Variants in CPS1 observed in about 807,000 individuals in gnomAD.
CPS1 encodes carbamoyl-phosphate synthase 1.
In CPS1, 109 loss-of-function variants were observed where a neutral mutation model predicts 174.6. The observed-to-expected ratio is 0.62, with a 90% CI of 0.53 to 0.73. The LOEUF (loss-of-function observed/expected upper bound fraction) is 0.73, where lower values mean the gene tolerates loss of function less well. Ranked by LOEUF, CPS1 falls within the 30% of genes least tolerant of loss-of-function variation. The probability of loss-of-function intolerance (pLI) is 0.00; values close to 1 mark genes in which losing one functional copy is unlikely to be tolerated. For synonymous variants in CPS1, 637 were observed against 632.0 expected (o/e 1.01, Z -0.12); for missense variants, 1,689 against 1,821.9 (o/e 0.93, Z 1.33).
intron 1 of CPS1, among the ~76,000 whole-genome samples, chr2:210,550,357 T>C (rs575398046): frequency 6.6e-6 from 1 of 152,066 alleles, no homozygotes; most frequent in East Asian, 1.9e-4. Context: ...CTGTTGCCCC[T>C]GTTTTCTCCA....
Position 210,674,901 on chromosome 2 carries a change from G to A in CPS1, c.4102-1G>A. ...GTGAATTTTGTGAAATTCCTTTTCA[G>A]CAATCATTCCGGCCAAGATTCCTTG... On this transcript the variant is annotated splice_acceptor_variant, in intron 34 of 37. Transcript: ENST00000233072. LOFTEE classifies it high-confidence loss of function. The A allele has an allele frequency of 6.2e-7, 1 of 1,613,198 alleles. No homozygotes were observed. The highest frequency in any genetic ancestry group is 8.5e-7 in the Non-Finnish European group (1 of 1,179,190).
At chr2:210,506,151 C>T (rs983875143) in intron 1 of CPS1, among the ~76,000 whole-genome samples, 4 of 152,300 alleles carry the variant, frequency 2.6e-5, no homozygotes, top group South Asian at 2.1e-4. Flanking sequence ...GGCAGACTGA[C>T]ACCTCACATG....
intron 1 of CPS1, among the ~76,000 whole-genome samples, chr2:210,509,243 C>T (rs2105972449): frequency 6.6e-6 from 1 of 152,218 alleles, no homozygotes; most frequent in Admixed American, 6.5e-5. Context: ...AATCATTAAA[C>T]ATAATCCAGT....
chr2:210,556,384 T>A (rs933350070), upstream of CPS1: 1 of 482,238 alleles, frequency 2.1e-6, no homozygotes, highest in Non-Finnish European at 4.1e-6. Context: ...CCATGATGTC[T>A]AGGTCATTCC....
intron 17 of CPS1, among the ~76,000 whole-genome samples, chr2:210,606,236 T>C (rs13028752): frequency 0.13 from 20,420 of 151,802 alleles, 1,434 homozygotes; most frequent in East Asian, 0.27. Flanking sequence ...AAGCTTTGTA[T>C]GGTTGTCTGG....
chr2:210,490,445 G>A (rs72932447), intron 1 of CPS1, among the ~76,000 whole-genome samples: 31,150 of 152,132 alleles, frequency 0.2, 3,728 homozygotes, highest in Middle Eastern at 0.34. Context: ...CCATAAGTAT[G>A]TACCAAGTGA....
At chr2:210,660,366 G>A (rs781396714) in intron 31 of CPS1, 119 bp from the exon 32 acceptor site, 19 of 992,244 alleles carry the variant, frequency 1.9e-5, no homozygotes, top group African/African-American at 3.2e-5. Context: ...GACAAGATTA[G>A]CAAAACAAGA....
chr2:210,667,944 A>G (rs961563735), intron 33 of CPS1, among the ~76,000 whole-genome samples: 1 of 152,164 alleles, frequency 6.6e-6, no homozygotes, highest in Non-Finnish European at 1.5e-5. Flanking sequence ...CATTATGCTT[A>G]ATTAAAAACA....
intron 18 of CPS1, 114 bp downstream of exon 18, chr2:210,607,055 A>G (rs530771743): frequency 3.2e-6 from 3 of 924,186 alleles, no homozygotes; most frequent in East Asian, 5.3e-5. Flanking sequence ...CTTTTTCTGT[A>G]TGTTAGCTCC....
chr2:210,564,100 C>G (rs1235466866), intron 1 of CPS1, among the ~76,000 whole-genome samples: 1 of 152,088 alleles, frequency 6.6e-6, no homozygotes, highest in Non-Finnish European at 1.5e-5. Flanking sequence ...AAATTTAAAA[C>G]CCCTAAAAGA....
intron 1 of CPS1, among the ~76,000 whole-genome samples, chr2:210,521,576 C>A (rs1310111867): frequency 1.3e-5 from 2 of 151,888 alleles, no homozygotes; most frequent in African/African-American, 2.4e-5. Flanking sequence ...TGTTTGAGTT[C>A]ACTGCTCTTT....
intron 24 of CPS1, among the ~76,000 whole-genome samples, chr2:210,640,914 A>G (rs999611914): frequency 8.5e-5 from 13 of 152,306 alleles, no homozygotes; most frequent in Non-Finnish European, 1.5e-4. Context: ...AATACCTGAG[A>G]TTGGGTAATT....
chr2:210,583,998 C>T (rs1698015972), intron 6 of CPS1, among the ~76,000 whole-genome samples: 1 of 152,076 alleles, frequency 6.6e-6, no homozygotes, highest in South Asian at 2.1e-4. Flanking sequence ...CTTACTTTCT[C>T]AGCTAAGGAT....
intron 1 of CPS1, among the ~76,000 whole-genome samples, chr2:210,492,345 A>G (rs1256004094): frequency 1.3e-5 from 2 of 152,226 alleles, no homozygotes; most frequent in African/African-American, 4.8e-5. Context: ...CAGAAGTCAG[A>G]AATAGGACAG....
Position 210,650,443 on chromosome 2 carries a change from T to G in CPS1, c.3480+5T>G. On this transcript the variant is annotated splice_donor_5th_base_variant and intron_variant, in intron 28 of 37. Coordinates refer to ENST00000233072, the MANE Select transcript of CPS1 (RefSeq NM_001875.5). ...GAGGCGACTAGAGTTTCTCAGGTAGTGTCCAATTTCTTTGTAGTGACTGTT... is the reference window on the plus strand; with the variant it reads ...GAGGCGACTAGAGTTTCTCAGGTAGGGTCCAATTTCTTTGTAGTGACTGTT... 1 of 1,602,610 alleles carries G rather than the reference T, an allele frequency of 6.2e-7. No homozygotes were observed. Among genetic ancestry groups the G allele is most frequent in the African/African-American group, 1.3e-5 (1 of 74,808 alleles).
chr2:210,658,446 A>G (rs968655431), intron 30 of CPS1, 153 bp from the exon 31 acceptor site: 17 of 637,924 alleles, frequency 2.7e-5, no homozygotes, highest in Non-Finnish European at 4.3e-5. Context: ...GAAACCTAAT[A>G]GTGCCCTCCA....
At position 210,520,609 on chromosome 2, in the gene CPS1, T is replaced by A. The variant is rs551801895; in HGVS notation, c.4-36110T>A. ...TTCATTATCTCTCCTTTTTGCCTAC[T>A]CTGTCTGTCTCTAGTTGACTCTTGA... On this transcript the variant is annotated intron_variant, in intron 1 of 38. Coordinates refer to the CPS1 transcript ENST00000430249. Among the ~76,000 whole-genome samples the A allele has an allele frequency of 2.6e-5, 4 of 152,172 alleles. No homozygotes were observed. The East Asian group carries it at 7.8e-4, about 30-fold the overall frequency.
chr2:210,604,137 C>G (rs1235418396), intron 16 of CPS1, among the ~76,000 whole-genome samples: 1 of 151,778 alleles, frequency 6.6e-6, no homozygotes, highest in Admixed American at 6.6e-5. Context: ...ACTTTGAGAA[C>G]CTCATCGTGG....
intron 28 of CPS1, among the ~76,000 whole-genome samples, chr2:210,653,740 C>T (rs1214654564): frequency 1.3e-5 from 2 of 152,118 alleles, no homozygotes; most frequent in African/African-American, 4.8e-5. Flanking sequence ...TCCTTAGTCC[C>T]CTCTTTTCTC....
Sources: gnomAD v4.1 joint callset for allele counts (sites outside exome capture counted in the v4.1 genomes callset) on GRCh38, gnomAD v4.1.1 for gene constraint, MANE v1.5 for transcripts, NCBI Gene and HGNC (gene_info 2026-07-23, HGNC 2026-07-21) for gene names.